Variants in VRK3 observed in about 807,000 individuals in gnomAD.
VRK3 encodes VRK serine/threonine kinase 3.
Under a neutral mutation model 60.4 loss-of-function variants are expected in VRK3, and 50 were observed. The observed-to-expected ratio is 0.83, with a 90% CI of 0.66 to 1.05. VRK3 has a LOEUF of 1.05. VRK3 is among the 50% of genes least tolerant of loss of function. The pLI is 0.00. For missense variants in VRK3, 549 were observed against 585.3 expected, an observed-to-expected ratio of 0.94 and a Z score of 0.64; for synonymous variants, 246 against 227.8, an observed-to-expected ratio of 1.08 and a Z score of -0.72.
At chr19:49,981,179 C>A (rs2076415829) in intron 12 of VRK3, 166 bp from the exon 13 acceptor site, 4 of 662,086 alleles carry the variant, frequency 6.0e-6, no homozygotes, top group Non-Finnish European at 1.1e-5. Flanking sequence ...ATCAACCAAT[C>A]CACTACCATT....
intron 12 of VRK3, among the ~76,000 whole-genome samples, chr19:49,984,546 C>T (rs1295751257): frequency 2.0e-5 from 3 of 152,226 alleles, no homozygotes; most frequent in South Asian, 4.1e-4. Context: ...ATTGGGGCTG[C>T]GTCTGCCCGA....
intron 9 of VRK3, 84 bp from the exon 10 acceptor site, chr19:49,993,036 C>G (rs892448204): frequency 7.9e-7 from 1 of 1,266,094 alleles, no homozygotes; most frequent in Non-Finnish European, 1.1e-6. Context: ...GGGAGCCCCA[C>G]TATTAAGGCC....
rs2076385745 is a variant in VRK3, at chr19:49,979,362, A to C, written c.1277-120T>G. ...ACTGAGGGGCATGAGGGTCTCAGCA[A>C]AAGTGCCCATTTTCTTGTTGCCTGG... On this transcript the variant is annotated intron_variant, in intron 13 of 14. Coordinates refer to ENST00000316763, the MANE Select transcript of VRK3 (RefSeq NM_016440.4). 10 of 1,398,514 alleles carry C rather than the reference A, an allele frequency of 7.2e-6. No homozygotes were observed. The South Asian group carries it at 1.1e-4, about 16-fold the overall frequency. 86.6% of individuals were successfully genotyped at this position (1,398,514 alleles called of 1,614,324 possible).
intron 14 of VRK3, among the ~76,000 whole-genome samples, chr19:49,978,112 G>A (rs771304661): frequency 2.0e-5 from 3 of 152,166 alleles, no homozygotes; most frequent in Non-Finnish European, 2.9e-5. Context: ...CCACGGGGCC[G>A]GGGGATTCTT....
intron 7 of VRK3, among the ~76,000 whole-genome samples, chr19:49,996,280 C>T (rs1161902008): frequency 6.6e-6 from 1 of 152,000 alleles, no homozygotes; most frequent in Non-Finnish European, 1.5e-5. Flanking sequence ...TGGTCTCGAA[C>T]TCCTGACCTC....
intron 1 of VRK3, among the ~76,000 whole-genome samples, chr19:50,020,865 C>T (rs1181387339): frequency 6.6e-6 from 1 of 152,214 alleles, no homozygotes; most frequent in Non-Finnish European, 1.5e-5. Context: ...TCAGGATGCG[C>T]ACGTTCTGGT....
chr19:50,004,843 G>A (rs566248872), intron 5 of VRK3, among the ~76,000 whole-genome samples: 54 of 152,118 alleles, frequency 3.5e-4, no homozygotes, highest in Middle Eastern at 3.4e-3. Flanking sequence ...CTGGGAGGTT[G>A]AGGCTGCAGT....
Position 49,992,930 on chromosome 19 carries a change from T to C in VRK3, c.893A>G (p.His298Arg), listed in dbSNP as rs1440822663. The C allele has an allele frequency of 1.9e-6, 3 of 1,613,234 alleles. No individual in the cohort carries two copies. Among genetic ancestry groups the C allele is most frequent in the East Asian group, 2.2e-5 (1 of 44,890 alleles). The part of the protein sequence containing the change: ...CRLLDALEFL[H>R]ENEYVHGNVT... ...ATTTCCATGAACATACTCATTCTCATGGAGGAACTCCAGGGCATCCAGCTG... is the reference window on the plus strand; with the variant it reads ...ATTTCCATGAACATACTCATTCTCACGGAGGAACTCCAGGGCATCCAGCTG... Residue 298 changes from histidine to arginine, a missense_variant, in exon 10 of 15, where the codon CAT becomes CGT. Coordinates refer to ENST00000316763, the MANE Select transcript of VRK3 (RefSeq NM_016440.4).
intron 3 of VRK3, 46 bp downstream of exon 3, chr19:50,015,978 C>T: frequency 6.2e-7 from 1 of 1,613,092 alleles, no homozygotes; most frequent in Non-Finnish European, 8.5e-7. Context: ...CACGTGTATG[C>T]ACCTTATTCC....
intron 5 of VRK3, 193 bp from the exon 6 acceptor site, chr19:50,001,047 T>C (rs575687891): frequency 1.4e-5 from 8 of 577,940 alleles, no homozygotes; most frequent in Non-Finnish European, 2.4e-5. Flanking sequence ...TCTGTCACTA[T>C]CCAGCCATGC....
chr19:50,021,409 G>A (rs1441249324), intron 1 of VRK3, among the ~76,000 whole-genome samples: 1 of 152,164 alleles, frequency 6.6e-6, no homozygotes, highest in Admixed American at 6.5e-5. Flanking sequence ...CTTGCACCTG[G>A]CTGGCTCGCT....
chr19:50,000,440 C>T (rs1369815626), intron 6 of VRK3: 15 of 339,468 alleles, frequency 4.4e-5, no homozygotes, highest in East Asian at 7.6e-5. Context: ...GTGCTCGATA[C>T]GAGCACGCTG....
At chr19:49,982,116 C>T in intron 12 of VRK3, 1 of 702,946 alleles carries the variant, frequency 1.4e-6, no homozygotes, top group Non-Finnish European at 2.6e-6. Context: ...AAACTGCAAA[C>T]TGCTGACGGT....
intron 9 of VRK3, 62 bp downstream of exon 9, chr19:49,994,752 G>C (rs2076671495): frequency 3.4e-6 from 5 of 1,472,586 alleles, no homozygotes; most frequent in Non-Finnish European, 4.7e-6. Context: ...TAAAGTGCCT[G>C]CTAAACTAGG....
intron 5 of VRK3, among the ~76,000 whole-genome samples, chr19:50,005,193 G>A (rs2076873106): frequency 6.7e-6 from 1 of 149,028 alleles, no homozygotes; most frequent in Non-Finnish European, 1.5e-5. Context: ...AGGACATCAA[G>A]GCACAGAGTG....
rs529540135 is a variant in VRK3, at chr19:50,009,480, T to C, written c.140-95A>G. The C allele has an allele frequency of 2.4e-5, 35 of 1,449,594 alleles. No individual in the cohort carries two copies. In the African/African-American group the frequency reaches 4.4e-4, roughly 18 times the overall value. 89.8% of individuals were successfully genotyped at this position (1,449,594 alleles called of 1,614,324 possible). A position where few individuals can be genotyped will look rare whatever the true frequency, so the allele number is the denominator to read the frequency against. On this transcript the variant is annotated intron_variant, in intron 3 of 14. Transcript: ENST00000316763. ...GCCCTGAGGTTATACTCAGCTATGC[T>C]GTTCTCTTTGGCCCTCAACACCAAT...
intron 13 of VRK3, among the ~76,000 whole-genome samples, chr19:49,979,960 G>A (rs2076395658): frequency 6.6e-6 from 1 of 152,052 alleles, no homozygotes; most frequent in Non-Finnish European, 1.5e-5. Flanking sequence ...AGAGGCAGGA[G>A]AATGGCTTGA....
Position 49,989,761 on chromosome 19 carries a change from G to C in VRK3, c.974C>G (p.Ala325Gly), listed in dbSNP as rs1389426030. 1.9e-6 allele frequency: 3 copies of C among 1,611,770 alleles called. No individual in the cohort carries two copies. In the Admixed American group the frequency reaches 5.0e-5, roughly 27 times the overall value. The change falls in exon 11 of 15, where the codon GCA (alanine) becomes GGA (glycine). Residue 325 changes from alanine (A) to glycine (G), a missense_variant. Coordinates refer to ENST00000316763, the MANE Select transcript of VRK3 (RefSeq NM_016440.4). ...DPEDQSQVTL[A>G]GYGFAFRYCP... Reference sequence around the variant, plus strand: ...ATAGCGGAAGGCGAAGCCATAGCCTGCCAAAGTCACCTGTGGACACAGGGA... The same window carrying C: ...ATAGCGGAAGGCGAAGCCATAGCCTCCCAAAGTCACCTGTGGACACAGGGA...
intron 13 of VRK3, 21 bp from the exon 14 acceptor site, chr19:49,979,263 A>G: frequency 6.2e-7 from 1 of 1,613,896 alleles, no homozygotes; most frequent in Non-Finnish European, 8.5e-7. Flanking sequence ...GACAACCCCC[A>G]GCAAGGGAGA....
Sources: allele counts gnomAD v4.1 joint callset (sites outside exome capture counted in the v4.1 genomes callset), GRCh38; gene constraint gnomAD v4.1.1; transcripts MANE v1.5; gene names NCBI Gene and HGNC (gene_info 2026-07-23, HGNC 2026-07-21).